The following OSBPL6 variants were observed in gnomAD, a reference collection of about 807,000 sequenced individuals.
OSBPL6 encodes the protein oxysterol-binding protein-related protein 6.
In OSBPL6, 49 loss-of-function variants were observed where a neutral mutation model predicts 125.8. That is an observed-to-expected ratio of 0.39 (90% CI 0.31 to 0.49). OSBPL6 has a LOEUF of 0.49. OSBPL6 is among the 20% of genes least tolerant of loss of function. OSBPL6 has a pLI of 0.88. For synonymous variants in OSBPL6, 394 were observed against 391.8 expected (o/e 1.01, Z -0.07); for missense variants, 986 against 1,135.4 (o/e 0.87, Z 1.89).
At chr2:178,309,753 A>G (rs1323518135) in intron 3 of OSBPL6, among the ~76,000 whole-genome samples, 1 of 152,220 alleles carries the variant, frequency 6.6e-6, no homozygotes, top group Non-Finnish European at 1.5e-5. Flanking sequence ...GTGTGTGATC[A>G]ACTATGACTC....
chr2:178,305,601 A>T (rs1686688431), intron 2 of OSBPL6, among the ~76,000 whole-genome samples: 1 of 152,236 alleles, frequency 6.6e-6, no homozygotes, highest in Non-Finnish European at 1.5e-5. Context: ...TTTGTAACTG[A>T]CTACTTTGTG....
At chr2:178,252,615 A>T (rs564036259) in intron 1 of OSBPL6, among the ~76,000 whole-genome samples, 2 of 152,262 alleles carry the variant, frequency 1.3e-5, no homozygotes, top group South Asian at 4.1e-4. Context: ...TTAAACATAT[A>T]TGATTGTATC....
chr2:178,328,185 T>C (rs1688864345), intron 4 of OSBPL6, 71 bp from the exon 5 acceptor site: 2 of 1,590,836 alleles, frequency 1.3e-6, no homozygotes, highest in South Asian at 1.1e-5. Flanking sequence ...CAACTTCTAC[T>C]TAAGAATCTG....
intron 5 of OSBPL6, among the ~76,000 whole-genome samples, chr2:178,329,323 T>G (rs2154076138): frequency 6.6e-6 from 1 of 152,308 alleles, no homozygotes; most frequent in South Asian, 2.1e-4. Context: ...TACTGCATTT[T>G]ACCATTACCC....
intron 2 of OSBPL6, among the ~76,000 whole-genome samples, chr2:178,305,261 C>T (rs1686656030): frequency 6.6e-6 from 1 of 152,178 alleles, no homozygotes; most frequent in Admixed American, 6.5e-5. Flanking sequence ...TACCTTTTAA[C>T]ATTTTTTAGC....
At chr2:178,358,469 A>C (rs902873156) in intron 12 of OSBPL6, among the ~76,000 whole-genome samples, 10 of 152,136 alleles carry the variant, frequency 6.6e-5, no homozygotes, top group Admixed American at 6.5e-4. Flanking sequence ...ACTAATTTTC[A>C]ACAAAGGCAC....
At chr2:178,354,540 A>G (rs1031966318) in intron 12 of OSBPL6, among the ~76,000 whole-genome samples, 1 of 152,242 alleles carries the variant, frequency 6.6e-6, no homozygotes, top group Admixed American at 6.5e-5. Flanking sequence ...AGAGCTAACT[A>G]TCCTAAATAT....
chr2:178,199,380 A>C (rs1293438584), intron 1 of OSBPL6, among the ~76,000 whole-genome samples: 2 of 152,038 alleles, frequency 1.3e-5, no homozygotes, highest in African/African-American at 4.8e-5. Flanking sequence ...TATTTCTGTT[A>C]ATTTGCTTCT....
intron 2 of OSBPL6, among the ~76,000 whole-genome samples, chr2:178,293,376 C>T (rs1685459403): frequency 6.6e-6 from 1 of 152,142 alleles, no homozygotes; most frequent in South Asian, 2.1e-4. Context: ...TCAAACTAGA[C>T]AAAAAATAAT....
intron 13 of OSBPL6, among the ~76,000 whole-genome samples, chr2:178,368,811 T>TG (rs955124223): frequency 6.6e-6 from 1 of 151,790 alleles, no homozygotes; most frequent in African/African-American, 2.4e-5. Flanking sequence ...ATCCTTTTTT[T>TG]TTTTTGAGAC....
rs1369362472 is a variant in OSBPL6 at position 178,400,205 on chromosome 2, A to C, written c.*4646A>C. ...ACTTTCCCTTAATTCTCATCTATTT[A>C]GTTTTTTAATAAAATTGTTGCTAGA... On this transcript the variant is annotated 3_prime_UTR_variant, in exon 25 of 25. Transcript: ENST00000190611. 1 of 151,244 alleles carries C rather than the reference A, an allele frequency of 6.6e-6. No homozygotes were observed. Among genetic ancestry groups the C allele is most frequent in the African/African-American group, 2.4e-5 (1 of 41,086 alleles). 9.4% of individuals were successfully genotyped at this position (151,244 alleles called of 1,614,324 possible). A position where few individuals can be genotyped will look rare whatever the true frequency, so the allele number is the denominator to read the frequency against.
intron 1 of OSBPL6, among the ~76,000 whole-genome samples, chr2:178,268,446 TTA>T (rs1491266852): frequency 7.9e-6 from 1 of 126,844 alleles, no homozygotes; most frequent in African/African-American, 2.5e-5. Context: ...GTAACTGTGA[TTA>T]TTTTTTATAT....
rs112871046 is a variant in OSBPL6 at position 178,281,756 on chromosome 2, G to T, written c.-350-3171G>T. Among the ~76,000 whole-genome samples, 4 of 144,860 alleles carry T rather than the reference G, an allele frequency of 2.8e-5. No individual in the cohort carries two copies. The East Asian group carries it at 8.3e-4, about 30-fold the overall frequency. ...TAAGTGGGAGCTGAACAATGAGAAC[G>T]CATGGACACAGGGAGGGGAACAACA... On this transcript the variant is annotated intron_variant, in intron 1 of 24. Coordinates refer to ENST00000190611, the MANE Select transcript of OSBPL6 (RefSeq NM_032523.4).
intron 1 of OSBPL6, among the ~76,000 whole-genome samples, chr2:178,224,563 C>T (rs2090472938): frequency 6.6e-6 from 1 of 152,142 alleles, no homozygotes; most frequent in South Asian, 2.1e-4. Context: ...AGAATGACAC[C>T]ATTCAGAATT....
chr2:178,295,828 A>G (rs995623342), intron 2 of OSBPL6, among the ~76,000 whole-genome samples: 4 of 152,134 alleles, frequency 2.6e-5, no homozygotes, highest in Non-Finnish European at 1.5e-5. Context: ...TGTGTTTATA[A>G]GAAAGTCATT....
chr2:178,285,952 C>T (rs1684662801), intron 2 of OSBPL6, among the ~76,000 whole-genome samples: 1 of 152,198 alleles, frequency 6.6e-6, no homozygotes, highest in Admixed American at 6.5e-5. Context: ...CCCGCCCTTT[C>T]CTAGCGTGGA....
intron 12 of OSBPL6, among the ~76,000 whole-genome samples, chr2:178,361,159 A>G (rs1009409656): frequency 6.6e-6 from 1 of 152,198 alleles, no homozygotes; most frequent in Non-Finnish European, 1.5e-5. Context: ...AAGGCATATC[A>G]TTTCCTACCT....
chr2:178,234,805 C>G (rs968019088), intron 1 of OSBPL6, among the ~76,000 whole-genome samples: 1 of 152,058 alleles, frequency 6.6e-6, no homozygotes, highest in Non-Finnish European at 1.5e-5. Context: ...ATTACGAAAC[C>G]CATTTGCTTG....
chr2:178,375,642 C>T (rs1461625498), intron 15 of OSBPL6, among the ~76,000 whole-genome samples: 1 of 152,074 alleles, frequency 6.6e-6, no homozygotes, highest in Non-Finnish European at 1.5e-5. Context: ...AGGCTGGTCT[C>T]GAAATCCCGA....
Sources: allele counts gnomAD v4.1 joint callset (sites outside exome capture counted in the v4.1 genomes callset), GRCh38; gene constraint gnomAD v4.1.1; transcripts MANE v1.5; gene names NCBI Gene and HGNC (gene_info 2026-07-23, HGNC 2026-07-21).